SLAIN2: variants seen among roughly 807,000 people sequenced by gnomAD.
The protein encoded by SLAIN2 is SLAIN family member 2, also known as SLAIN motif-containing protein 2.
A neutral mutation model predicts 56.6 loss-of-function variants in SLAIN2; 31 were observed. That is an observed-to-expected ratio of 0.55 (90% CI 0.41 to 0.74). SLAIN2 has a LOEUF of 0.74. Among genes scored for constraint, SLAIN2 ranks in the 30% least tolerant of loss-of-function variants. The pLI is 0.00. For synonymous variants in SLAIN2, 317 were observed against 284.9 expected, an observed-to-expected ratio of 1.11 and a Z score of -1.13; for missense variants, 777 against 754.2, an observed-to-expected ratio of 1.03 and a Z score of -0.35.
In SLAIN2 at chr4:48,422,352, G is replaced by T. The variant is rs1577744469; in HGVS notation, c.*275G>T. Reference sequence around the variant, plus strand: ...CTAGGTTGATTTTTAAAAAATATTTGACAGAGGCCAATATCTGGGCAAATA... The same window carrying T: ...CTAGGTTGATTTTTAAAAAATATTTTACAGAGGCCAATATCTGGGCAAATA... On this transcript the variant is annotated 3_prime_UTR_variant, in exon 8 of 8. Transcript: ENST00000264313. 1 of 307,072 alleles carries T rather than the reference G, an allele frequency of 3.3e-6. No homozygotes were observed. The highest frequency in any genetic ancestry group is 6.0e-6 in the Non-Finnish European group (1 of 165,752). 19.0% of individuals were successfully genotyped at this position (307,072 alleles called of 1,614,324 possible).
chr4:48,391,902 G>GT (rs1716243466), intron 6 of SLAIN2, among the ~76,000 whole-genome samples: 1 of 152,124 alleles, frequency 6.6e-6, no homozygotes, highest in South Asian at 2.1e-4. Flanking sequence ...ACATTATACT[G>GT]GTAGCATGAA....
At position 48,342,110 on chromosome 4, in the gene SLAIN2, A is replaced by C; in HGVS notation, c.371A>C (p.Glu124Ala). ...GAGCTGGAGCGCCTGTCAGGCTGGG[A>C]GGAGGAGGAGGAGAGCTGGTGAGCG... ...PDELERLSGW[E>A]EEEESWLYSS... Residue 124 changes from glutamate (E) to alanine (A), a missense_variant, in exon 1 of 8, where the codon GAG becomes GCG. Transcript: ENST00000264313. 1 of 1,312,120 alleles carries C rather than the reference A, an allele frequency of 7.6e-7. No individual in the cohort carries two copies. The highest frequency in any genetic ancestry group is 9.7e-7 in the Non-Finnish European group (1 of 1,030,442). The allele number at this position is 1,312,120 out of a possible 1,614,324, so 81.3% of individuals were successfully genotyped here. A position where few individuals can be genotyped will look rare whatever the true frequency, so the allele number is the denominator to read the frequency against.
At chr4:48,357,052 G>C (rs1166207574) in intron 1 of SLAIN2, among the ~76,000 whole-genome samples, 2 of 151,260 alleles carry the variant, frequency 1.3e-5, no homozygotes, top group African/African-American at 4.9e-5. Context: ...AGTTTGCCTT[G>C]CTAATAATTA....
chr4:48,420,299 C>T lies in SLAIN2; in HGVS notation c.1535C>T (p.Ala512Val). ...CCTATGGTTCAGAGCACAGTCTCAG[C>T]AAATCCTCCCAGCAATATCAACAGC... is the stretch of plus-strand genomic sequence containing the variant. ...GPPMVQSTVS[A>V]NPPSNINSAT... Residue 512 changes from alanine to valine, a missense_variant, in exon 7 of 8, where the codon GCA becomes GTA. Transcript: ENST00000264313. 1.2e-6 allele frequency: 2 copies of T among 1,613,978 alleles called. No homozygotes were observed. The highest frequency in any genetic ancestry group is 4.5e-5 in the East Asian group (2 of 44,872).
chr4:48,419,347 G>A (rs1371747983), intron 6 of SLAIN2, among the ~76,000 whole-genome samples: 3 of 152,040 alleles, frequency 2.0e-5, no homozygotes, highest in Non-Finnish European at 2.9e-5. Context: ...CAGGTGATCC[G>A]CCCGCCTCGG....
intron 1 of SLAIN2, among the ~76,000 whole-genome samples, chr4:48,347,863 A>G (rs945891923): frequency 1.8e-4 from 27 of 152,210 alleles, no homozygotes; most frequent in African/African-American, 6.0e-4. Context: ...GAATCATACA[A>G]TACTTGTCTT....
intron 1 of SLAIN2, among the ~76,000 whole-genome samples, chr4:48,343,679 C>T (rs1248462321): frequency 2.0e-5 from 3 of 152,116 alleles, no homozygotes; most frequent in African/African-American, 2.4e-5. Flanking sequence ...GAGGAAAGAG[C>T]GGGAAGGGCA....
intron 6 of SLAIN2, among the ~76,000 whole-genome samples, chr4:48,413,294 C>G (rs1478075910): frequency 6.6e-6 from 1 of 152,000 alleles, no homozygotes; most frequent in Non-Finnish European, 1.5e-5. Context: ...GTAAAGAATA[C>G]TGATCTGGGA....
chr4:48,404,409 T>C (rs1479881627), intron 6 of SLAIN2, among the ~76,000 whole-genome samples: 2 of 96,452 alleles, frequency 2.1e-5, no homozygotes, highest in Non-Finnish European at 5.0e-5. Flanking sequence ...CAAGATACAC[T>C]CATTATATCC....
chr4:48,387,741 A>C (rs1340897353), intron 6 of SLAIN2, among the ~76,000 whole-genome samples: 1 of 152,108 alleles, frequency 6.6e-6, no homozygotes, highest in Non-Finnish European at 1.5e-5. Flanking sequence ...GAAAGTTAAC[A>C]TGAAGCAAAA....
At chr4:48,359,264 T>C (rs954985366) in intron 1 of SLAIN2, among the ~76,000 whole-genome samples, 1 of 152,228 alleles carries the variant, frequency 6.6e-6, no homozygotes, top group Non-Finnish European at 1.5e-5. Context: ...GCACTGAATG[T>C]ACCTTACTCA....
Position 48,423,091 on chromosome 4 carries a change from G to A in SLAIN2, c.*1014G>A, listed in dbSNP as rs890235609. 1 of 152,114 alleles carries A rather than the reference G, an allele frequency of 6.6e-6. No individual in the cohort carries two copies. The highest frequency in any genetic ancestry group is 2.4e-5 in the African/African-American group (1 of 41,426). 9.4% of individuals were successfully genotyped at this position (152,114 alleles called of 1,614,324 possible). On this transcript the variant is annotated 3_prime_UTR_variant, in exon 8 of 8. Coordinates refer to ENST00000264313, the MANE Select transcript of SLAIN2 (RefSeq NM_020846.2). ...TATGCACTTAACCTACAAAATCTCT[G>A]GTGATGACAGTTGTATTGTTGCTAT...
chr4:48,420,004 T>C (rs1370087205), intron 6 of SLAIN2, 121 bp from the exon 7 acceptor site: 1 of 959,114 alleles, frequency 1.0e-6, no homozygotes, highest in Non-Finnish European at 1.5e-6. Context: ...ATTGTTTGCA[T>C]TGCTGTGAAG....
At chr4:48,395,687 T>C (rs1716358538) in intron 6 of SLAIN2, among the ~76,000 whole-genome samples, 1 of 152,092 alleles carries the variant, frequency 6.6e-6, no homozygotes, top group Non-Finnish European at 1.5e-5. Context: ...ATGAATGTTT[T>C]TTGGTGCCAT....
intron 1 of SLAIN2, among the ~76,000 whole-genome samples, chr4:48,342,333 C>T (rs899642039): frequency 6.6e-6 from 1 of 152,162 alleles, no homozygotes; most frequent in Non-Finnish European, 1.5e-5. Flanking sequence ...GGTTGTAGCT[C>T]GTTGTCCTTT....
At chr4:48,347,560 G>A (rs1714902313) in intron 1 of SLAIN2, among the ~76,000 whole-genome samples, 1 of 152,120 alleles carries the variant, frequency 6.6e-6, no homozygotes, top group Non-Finnish European at 1.5e-5. Flanking sequence ...CTTTACACAT[G>A]TTAAATCATT....
At chr4:48,374,014 G>C (rs1010956649) in intron 2 of SLAIN2, among the ~76,000 whole-genome samples, 3 of 152,068 alleles carry the variant, frequency 2.0e-5, no homozygotes, top group Admixed American at 6.5e-5. Context: ...CTCCAGCCTG[G>C]GCAGCAAGAG....
intron 1 of SLAIN2, among the ~76,000 whole-genome samples, chr4:48,352,195 G>A (rs538366308): frequency 6.6e-6 from 1 of 152,238 alleles, no homozygotes; most frequent in South Asian, 2.1e-4. Flanking sequence ...TACCTTTATT[G>A]GCTAGAAAAC....
chr4:48,343,987 C>T (rs1714795458), intron 1 of SLAIN2, among the ~76,000 whole-genome samples: 1 of 152,188 alleles, frequency 6.6e-6, no homozygotes, highest in African/African-American at 2.4e-5. Context: ...GGATTAGCTG[C>T]ACCCATCAGC....
Sources: gnomAD v4.1 joint callset for allele counts (sites outside exome capture counted in the v4.1 genomes callset) on GRCh38, gnomAD v4.1.1 for gene constraint, MANE v1.5 for transcripts, NCBI Gene and HGNC (gene_info 2026-07-23, HGNC 2026-07-21) for gene names.